SLC39A11: variants seen among roughly 807,000 people sequenced by gnomAD.
SLC39A11 encodes zinc transporter ZIP11.
Under a neutral mutation model 36.1 loss-of-function variants are expected in SLC39A11, and 33 were observed. The observed-to-expected ratio is 0.91, with a 90% CI of 0.69 to 1.22. The LOEUF (loss-of-function observed/expected upper bound fraction) is 1.22, where lower values mean the gene tolerates loss of function less well. Among genes scored for constraint, SLC39A11 ranks in the 50% most tolerant of loss-of-function variants. The probability of loss-of-function intolerance (pLI) is 0.00; values close to 1 mark genes in which losing one functional copy is unlikely to be tolerated. For synonymous variants in SLC39A11, 166 were observed against 170.3 expected, an observed-to-expected ratio of 0.97 and a Z score of 0.20; for missense variants, 432 against 430.3, an observed-to-expected ratio of 1.00 and a Z score of -0.03.
At chr17:72,910,281 G>C (rs2082910595) in intron 5 of SLC39A11, among the ~76,000 whole-genome samples, 1 of 152,130 alleles carries the variant, frequency 6.6e-6, no homozygotes, top group Admixed American at 6.5e-5. Context: ...TAACAAACAT[G>C]CATATGTATC....
chr17:72,956,755 T>C (rs1305680231), intron 4 of SLC39A11, among the ~76,000 whole-genome samples: 2 of 152,230 alleles, frequency 1.3e-5, no homozygotes, highest in African/African-American at 2.4e-5. Context: ...TTCTGACCTA[T>C]GTTATCCTTT....
At chr17:72,925,586 C>G (rs1332063666) in intron 5 of SLC39A11, among the ~76,000 whole-genome samples, 1 of 152,220 alleles carries the variant, frequency 6.6e-6, no homozygotes, top group Non-Finnish European at 1.5e-5. Flanking sequence ...TTATTCATGT[C>G]TCCCTCCCCT....
chr17:72,779,167 G>A (rs938689104), intron 6 of SLC39A11, among the ~76,000 whole-genome samples: 3 of 152,208 alleles, frequency 2.0e-5, no homozygotes. Flanking sequence ...TTTGGGGCTG[G>A]ATGCGGTGGC....
intron 6 of SLC39A11, among the ~76,000 whole-genome samples, chr17:72,803,240 A>C (rs1436280279): frequency 6.6e-6 from 1 of 152,248 alleles, no homozygotes; most frequent in Non-Finnish European, 1.5e-5. Context: ...CGCTGCCAGG[A>C]AATGCTTACT....
At chr17:72,907,236 TA>T (rs1353628249) in intron 5 of SLC39A11, among the ~76,000 whole-genome samples, 1 of 152,184 alleles carries the variant, frequency 6.6e-6, no homozygotes, top group African/African-American at 2.4e-5. Context: ...AGAACTGTAA[TA>T]CCTGCACTTC....
At position 73,088,907 on chromosome 17, in the gene SLC39A11, G is replaced by A. The variant is rs73998353; in HGVS notation, c.-11-132C>T. The A allele has an allele frequency of 1.2e-3, 772 of 653,238 alleles. 3 individuals are homozygous for A. In the African/African-American group the frequency reaches 0.012, roughly 10 times the overall value. 40.5% of individuals were successfully genotyped at this position (653,238 alleles called of 1,614,324 possible). ...TTGACCGTATGCACCCTTCCACCACGCCATCTGTGTCCCTCAGCCACCCAG... is the reference window on the plus strand; with the variant it reads ...TTGACCGTATGCACCCTTCCACCACACCATCTGTGTCCCTCAGCCACCCAG... On this transcript the variant is annotated intron_variant, in intron 1 of 9. Coordinates refer to ENST00000255559, the MANE Select transcript of SLC39A11 (RefSeq NM_139177.4).
At chr17:72,917,557 C>T (rs180808204) in intron 5 of SLC39A11, among the ~76,000 whole-genome samples, 1 of 152,110 alleles carries the variant, frequency 6.6e-6, no homozygotes, top group Admixed American at 6.6e-5. Flanking sequence ...ATGCAAGACA[C>T]TGAAATGTCT....
At chr17:73,027,625 A>G (rs1376301524) in intron 4 of SLC39A11, among the ~76,000 whole-genome samples, 2 of 152,226 alleles carry the variant, frequency 1.3e-5, no homozygotes, top group African/African-American at 4.8e-5. Flanking sequence ...CCTCCAACAG[A>G]GGGACAGATA....
intron 7 of SLC39A11, among the ~76,000 whole-genome samples, chr17:72,660,801 G>A (rs1269131913): frequency 6.6e-6 from 1 of 152,188 alleles, no homozygotes; most frequent in Non-Finnish European, 1.5e-5. Flanking sequence ...TCTGTGCAGT[G>A]TAGGATGCTT....
chr17:73,005,525 G>A (rs2090131211), intron 4 of SLC39A11, among the ~76,000 whole-genome samples: 1 of 152,220 alleles, frequency 6.6e-6, no homozygotes, highest in Non-Finnish European at 1.5e-5. Context: ...GTGCCAGTCA[G>A]GATGGGCTGG....
chr17:73,071,897 C>T (rs1233110246), intron 3 of SLC39A11, among the ~76,000 whole-genome samples: 1 of 152,184 alleles, frequency 6.6e-6, no homozygotes, highest in Non-Finnish European at 1.5e-5. Context: ...GGCCATCTCC[C>T]ATCACTTCTT....
At chr17:72,816,329 T>C (rs374710333) in intron 6 of SLC39A11, among the ~76,000 whole-genome samples, 39 of 152,322 alleles carry the variant, frequency 2.6e-4, no homozygotes, top group African/African-American at 9.1e-4. Context: ...GTTCTGTTGT[T>C]GTTGTTTTTC....
intron 6 of SLC39A11, among the ~76,000 whole-genome samples, chr17:72,803,863 C>T (rs2077170328): frequency 6.6e-6 from 1 of 152,088 alleles, no homozygotes; most frequent in Admixed American, 6.5e-5. Context: ...GGGTCAGATG[C>T]TTTCCTATTA....
chr17:72,949,149 T>G lies in SLC39A11; in HGVS notation c.307-1274A>C, dbSNP rs1396207284. Among the ~76,000 whole-genome samples the G allele has an allele frequency of 1.6e-3, 127 of 81,334 alleles. 1 individual carries two copies. The highest frequency in any genetic ancestry group is 0.012 in the African/African-American group (85 of 7,278). 53.4% of individuals were successfully genotyped at this position (81,334 alleles called of 152,430 possible). ...AAATACCATACACTGGGCAGCTTTT[T>G]TTTTTTTTTTTTTTTTTTTTTTTTT... On this transcript the variant is annotated intron_variant, in intron 4 of 9. Coordinates refer to ENST00000255559, the MANE Select transcript of SLC39A11 (RefSeq NM_139177.4).
intron 6 of SLC39A11, among the ~76,000 whole-genome samples, chr17:72,832,509 A>G (rs1247524585): frequency 6.6e-6 from 1 of 152,262 alleles, no homozygotes; most frequent in Non-Finnish European, 1.5e-5. Flanking sequence ...GTCATGACAC[A>G]TCTATGCCAA....
At chr17:72,818,227 G>C (rs1382890612) in intron 6 of SLC39A11, among the ~76,000 whole-genome samples, 1 of 152,168 alleles carries the variant, frequency 6.6e-6, no homozygotes, top group African/African-American at 2.4e-5. Flanking sequence ...CAGCCTGAAA[G>C]GTCCAATCAT....
intron 7 of SLC39A11, among the ~76,000 whole-genome samples, chr17:72,700,109 C>T (rs569327465): frequency 3.3e-5 from 5 of 152,278 alleles, no homozygotes; most frequent in South Asian, 2.1e-4. Flanking sequence ...TGCCATCGTG[C>T]GCCTGGGGCG....
At chr17:72,971,474 T>C (rs1054451915) in intron 4 of SLC39A11, among the ~76,000 whole-genome samples, 2 of 152,148 alleles carry the variant, frequency 1.3e-5, no homozygotes, top group African/African-American at 2.4e-5. Context: ...TCTCAGCCCT[T>C]TATTTCCAAA....
intron 7 of SLC39A11, among the ~76,000 whole-genome samples, chr17:72,729,435 ATATATATATATATATATATATATTTTTT>A (rs2074098837): frequency 9.7e-4 from 2 of 2,060 alleles, no homozygotes; most frequent in African/African-American, 2.0e-3. Flanking sequence ...ATATATATAT[ATATATATATATATATATATATATTTTTT>A]TTTTTTTTTT....
Sources: allele counts gnomAD v4.1 joint callset (sites outside exome capture counted in the v4.1 genomes callset), GRCh38; gene constraint gnomAD v4.1.1; transcripts MANE v1.5; gene names NCBI Gene and HGNC (gene_info 2026-07-23, HGNC 2026-07-21).